Variants in ARNT2 observed in about 807,000 individuals in gnomAD.
ARNT2 encodes the protein ARNT protein 2.
A neutral mutation model predicts 91.7 loss-of-function variants in ARNT2; 36 were observed. That is an observed-to-expected ratio of 0.39 (90% CI 0.30 to 0.52). The LOEUF (loss-of-function observed/expected upper bound fraction) is 0.52. Ranked by LOEUF, ARNT2 falls within the 20% of genes least tolerant of loss-of-function variation. The pLI is 0.72. For synonymous variants in ARNT2, 365 were observed against 347.1 expected, an observed-to-expected ratio of 1.05 and a Z score of -0.57; for missense variants, 775 against 939.3, an observed-to-expected ratio of 0.83 and a Z score of 2.29.
chr15:80,542,296 CA>C (rs1897920194), intron 8 of ARNT2, among the ~76,000 whole-genome samples: 1 of 152,206 alleles, frequency 6.6e-6, no homozygotes, highest in South Asian at 2.1e-4. Context: ...TGCATTCTTA[CA>C]GATGAACTCC....
At chr15:80,437,210 G>T (rs1236541524) in intron 1 of ARNT2, among the ~76,000 whole-genome samples, 1 of 152,158 alleles carries the variant, frequency 6.6e-6, no homozygotes, top group African/African-American at 2.4e-5. Context: ...TCACGAGGTT[G>T]TGAAGGGAGC....
intron 4 of ARNT2, among the ~76,000 whole-genome samples, chr15:80,473,328 G>A (rs1458343978): frequency 2.6e-5 from 4 of 152,066 alleles, no homozygotes; most frequent in Non-Finnish European, 5.9e-5. Flanking sequence ...AGGGAGGAGG[G>A]TGGAAAAAAG....
chr15:80,409,299 C>T (rs1366887035), intron 1 of ARNT2, among the ~76,000 whole-genome samples: 1 of 152,184 alleles, frequency 6.6e-6, no homozygotes, highest in Non-Finnish European at 1.5e-5. Context: ...TTTGCCTTTT[C>T]CAGAAAGTCA....
At chr15:80,407,620 T>G (rs2141550245) in intron 1 of ARNT2, among the ~76,000 whole-genome samples, 1 of 152,330 alleles carries the variant, frequency 6.6e-6, no homozygotes, top group South Asian at 2.1e-4. Flanking sequence ...ACTGTTGTAT[T>G]GGCTGATTTT....
chr15:80,505,927 G>GTTTTTTTTTTTTTTTTTT lies in ARNT2; in HGVS notation c.623-2226_623-2209dup, dbSNP rs1161520898. Among the ~76,000 whole-genome samples the GTTTTTTTTTTTTTTTTTT allele has an allele frequency of 1.9e-4, 17 of 88,930 alleles. 2 individuals are homozygous for GTTTTTTTTTTTTTTTTTT. Among genetic ancestry groups the GTTTTTTTTTTTTTTTTTT allele is most frequent in the Admixed American group, 2.6e-4 (2 of 7,646 alleles). 58.3% of individuals were successfully genotyped at this position (88,930 alleles called of 152,430 possible). On this transcript the variant is annotated intron_variant, in intron 5 of 18. Coordinates refer to ENST00000303329, the MANE Select transcript of ARNT2 (RefSeq NM_014862.4). ...GAAAAAATGATTCCCAACATTTGTTGTTTTTTTTTTTTTTTTTTTTGAGAC... is the reference window on the plus strand; with the variant it reads ...GAAAAAATGATTCCCAACATTTGTTGTTTTTTTTTTTTTTTTTTTTTTTTTTTTTTTTTTTTTTGAGAC...
intron 4 of ARNT2, among the ~76,000 whole-genome samples, chr15:80,474,733 G>T (rs942318768): frequency 6.6e-6 from 1 of 152,126 alleles, no homozygotes; most frequent in Non-Finnish European, 1.5e-5. Context: ...ATCACTCATT[G>T]CTCTCCCATC....
intron 5 of ARNT2, among the ~76,000 whole-genome samples, chr15:80,507,867 T>C (rs1897295061): frequency 6.6e-6 from 1 of 151,710 alleles, no homozygotes; most frequent in African/African-American, 2.4e-5. Context: ...TTCCATGGAG[T>C]GGTGAGGGAG....
In ARNT2 at chr15:80,558,333, C is replaced by CT. The variant is rs56720700; in HGVS notation, c.1164+3215dup. The stretch of plus-strand genomic sequence containing the variant: ...GTGGGCAGACTTCATTACGTCTGTG[C>CT]TTTTTTTTTTTTTTTTTTTTTGAGA... On this transcript the variant is annotated intron_variant, in intron 11 of 18. Transcript: ENST00000303329. Among the ~76,000 whole-genome samples, 918 of 103,308 alleles carry CT rather than the reference C, an allele frequency of 8.9e-3. 26 individuals are homozygous for CT. Among genetic ancestry groups the CT allele is most frequent in the East Asian group, 0.021 (85 of 3,958 alleles). The allele number at this position is 103,308 out of a possible 152,430, so 67.8% of individuals were successfully genotyped here. A position where few individuals can be genotyped will look rare whatever the true frequency, so the allele number is the denominator to read the frequency against.
chr15:80,437,537 G>A (rs1896107927), intron 1 of ARNT2, among the ~76,000 whole-genome samples: 1 of 152,242 alleles, frequency 6.6e-6, no homozygotes, highest in African/African-American at 2.4e-5. Context: ...TTGCCATGTG[G>A]ATTTATGAGC....
At chr15:80,439,682 AC>A (rs2141576672) in intron 1 of ARNT2, among the ~76,000 whole-genome samples, 1 of 152,260 alleles carries the variant, frequency 6.6e-6, no homozygotes, top group Admixed American at 6.5e-5. Context: ...CTGCCTTTGG[AC>A]AGTCAACATG....
intron 8 of ARNT2, among the ~76,000 whole-genome samples, chr15:80,543,334 A>G (rs1425095386): frequency 1.3e-5 from 2 of 152,150 alleles, no homozygotes; most frequent in Non-Finnish European, 2.9e-5. Context: ...GATCACTCTA[A>G]CAGGTCCTTG....
chr15:80,445,525 ATG>A (rs983763551), intron 1 of ARNT2, among the ~76,000 whole-genome samples: 71 of 148,594 alleles, frequency 4.8e-4, no homozygotes, highest in African/African-American at 1.6e-3. Flanking sequence ...TGATGTGATG[ATG>A]TGTGTGTGTG....
intron 8 of ARNT2, among the ~76,000 whole-genome samples, chr15:80,515,028 A>G (rs1316769427): frequency 1.3e-5 from 2 of 152,234 alleles, no homozygotes; most frequent in East Asian, 1.9e-4. Context: ...TGATGAGTGT[A>G]TCTAAATCAT....
chr15:80,470,183 T>C, intron 3 of ARNT2, 35 bp from the exon 4 acceptor site: 2 of 1,486,538 alleles, frequency 1.3e-6, no homozygotes, highest in South Asian at 2.3e-5. Context: ...ACTTCTCTTT[T>C]TTCCCCCTCT....
At chr15:80,418,703 T>A (rs1895820446) in intron 1 of ARNT2, among the ~76,000 whole-genome samples, 1 of 152,214 alleles carries the variant, frequency 6.6e-6, no homozygotes, top group Admixed American at 6.5e-5. Flanking sequence ...GTGTCTGGTC[T>A]GCCTGCACAT....
intron 5 of ARNT2, among the ~76,000 whole-genome samples, chr15:80,491,985 C>T (rs926519229): frequency 2.6e-5 from 4 of 151,980 alleles, no homozygotes; most frequent in South Asian, 2.1e-4. Context: ...CACAGGTGTA[C>T]GTCTATTTCT....
At chr15:80,475,819 G>A (rs1399774746) in intron 5 of ARNT2, among the ~76,000 whole-genome samples, 1 of 152,148 alleles carries the variant, frequency 6.6e-6, no homozygotes, top group African/African-American at 2.4e-5. Flanking sequence ...CAATAAGCAT[G>A]TGATTTTCTG....
At chr15:80,531,138 G>A (rs1897732833) in intron 8 of ARNT2, among the ~76,000 whole-genome samples, 1 of 152,164 alleles carries the variant, frequency 6.6e-6, no homozygotes, top group East Asian at 1.9e-4. Context: ...TGAGTTTTGT[G>A]GAATGCAAAA....
intron 3 of ARNT2, 107 bp from the exon 4 acceptor site, chr15:80,470,111 C>G: frequency 8.4e-7 from 1 of 1,184,012 alleles, no homozygotes; most frequent in Admixed American, 2.1e-5. Flanking sequence ...GTGTTAGCCC[C>G]TAGTTCCTGG....
Sources: gnomAD v4.1 joint callset for allele counts (sites outside exome capture counted in the v4.1 genomes callset) on GRCh38, gnomAD v4.1.1 for gene constraint, MANE v1.5 for transcripts, NCBI Gene and HGNC (gene_info 2026-07-23, HGNC 2026-07-21) for gene names.